Variants in DYNC2H1 observed in about 807,000 individuals in gnomAD.
The protein encoded by DYNC2H1 is cytoplasmic dynein 2 heavy chain 1.
DYNC2H1 carries 410 observed loss-of-function variants against 570.0 expected under a neutral mutation model. The ratio of observed to expected loss-of-function variants is 0.72; its 90% CI spans 0.66 to 0.78. DYNC2H1 has a LOEUF of 0.78. Ranked by LOEUF, DYNC2H1 falls within the 30% of genes least tolerant of loss-of-function variation. The probability of loss-of-function intolerance (pLI) is 0.00; values close to 1 mark genes in which losing one functional copy is unlikely to be tolerated. For synonymous variants in DYNC2H1, 1,688 were observed against 1,677.6 expected (o/e 1.01, Z -0.15); for missense variants, 4,865 against 5,046.4 (o/e 0.96, Z 1.09).
intron 75 of DYNC2H1, among the ~76,000 whole-genome samples, chr11:103,295,452 A>C (rs1004648131): frequency 6.6e-6 from 1 of 151,934 alleles, no homozygotes; most frequent in African/African-American, 2.4e-5. Flanking sequence ...TTCTCTGGAG[A>C]CTCTCCCAGC....
chr11:103,288,505 G>C (rs1011979355), intron 75 of DYNC2H1, among the ~76,000 whole-genome samples: 1 of 151,282 alleles, frequency 6.6e-6, no homozygotes, highest in Admixed American at 6.6e-5. Context: ...CTTGCCTGGG[G>C]ATAAGTCTGC....
Position 103,156,616 on chromosome 11 carries a change from G to C in DYNC2H1, c.3973G>C (p.Val1325Leu). 1.9e-6 allele frequency: 3 copies of C among 1,613,644 alleles called. No homozygotes were observed. Among genetic ancestry groups the C allele is most frequent in the Non-Finnish European group, 2.5e-6 (3 of 1,179,710 alleles). The change falls in exon 26 of 89, where the codon GTA becomes CTA. Residue 1325 changes from valine (V) to leucine (L), a missense_variant. Around this residue, in one of 5 missense-constraint regions of DYNC2H1, gnomAD observed 1,936 missense variants for 1,962.1 expected, o/e 0.99. Transcript: ENST00000375735. ...SPYYKGFEDK[V>L]SIWERKLAEL... ...TTATTATAAAGGATTTGAAGATAAAGTATCAATTTGGGAAAGAAAACTTGC... is the reference window on the plus strand; with the variant it reads ...TTATTATAAAGGATTTGAAGATAAACTATCAATTTGGGAAAGAAAACTTGC...
chr11:103,283,520 T>A (rs1347145252), intron 73 of DYNC2H1, among the ~76,000 whole-genome samples: 2 of 152,176 alleles, frequency 1.3e-5, no homozygotes, highest in Non-Finnish European at 2.9e-5. Flanking sequence ...TCACAACTGT[T>A]GTATCATTAT....
chr11:103,154,977 A>G (rs1860746992), intron 24 of DYNC2H1, among the ~76,000 whole-genome samples, 168 bp downstream of exon 24: 1 of 152,142 alleles, frequency 6.6e-6, no homozygotes, highest in Non-Finnish European at 1.5e-5. Context: ...TGATATTTCT[A>G]CTACCAATGA....
rs4564301 is a variant in DYNC2H1 at position 103,308,091 on chromosome 11, G to A, written c.11493+260G>A. On this transcript the variant is annotated intron_variant, in intron 78 of 88. Coordinates refer to ENST00000375735, the MANE Select transcript of DYNC2H1 (RefSeq NM_001377.3). Reference sequence around the variant, plus strand: ...TGCTATCGTAACAATTTTTAAGTGTGTAGTGCAATATGCACCTTGTTGTGC... The same window carrying A: ...TGCTATCGTAACAATTTTTAAGTGTATAGTGCAATATGCACCTTGTTGTGC... 0.17 allele frequency among the ~76,000 whole-genome samples: 26,302 copies of A among 152,110 alleles called. 2,465 individuals are homozygous for A. The highest frequency in any genetic ancestry group is 0.26 in the Admixed American group (3,972 of 15,266).
chr11:103,344,762 A>C (rs533188163), intron 82 of DYNC2H1, among the ~76,000 whole-genome samples: 71 of 152,222 alleles, frequency 4.7e-4, no homozygotes, highest in Admixed American at 6.5e-4. Flanking sequence ...ATCATTTCAA[A>C]ATATAACACT....
rs144569209 is a variant in DYNC2H1, at chr11:103,419,143, C to T, written c.12367-16800C>T. On this transcript the variant is annotated intron_variant, in intron 84 of 88. Transcript: ENST00000375735. ...GGCTGGAGTCTGCCTGAGGCAGGAA[C>T]AAGTTTCTTGGGGTAGGGGTGGCGG... Among the ~76,000 whole-genome samples the T allele has an allele frequency of 6.6e-3, 1,011 of 152,276 alleles. 13 individuals carry two copies. The highest frequency in any genetic ancestry group is 0.023 in the African/African-American group (968 of 41,566).
chr11:103,308,975 C>G (rs1457021191), intron 78 of DYNC2H1, among the ~76,000 whole-genome samples: 1 of 151,882 alleles, frequency 6.6e-6, no homozygotes, highest in Non-Finnish European at 1.5e-5. Context: ...TTGTTCCCAA[C>G]CTCCCTGCCT....
rs983067154 is a variant in DYNC2H1 at position 103,205,368 on chromosome 11, A to G, written c.8454+404A>G. ...AATTGTGAACTCATAACACTATCTTAACTGGAAGCCTCTTATTTTACCTCA... is the reference window on the plus strand; with the variant it reads ...AATTGTGAACTCATAACACTATCTTGACTGGAAGCCTCTTATTTTACCTCA... On this transcript the variant is annotated intron_variant, in intron 52 of 88. Coordinates refer to ENST00000375735, the MANE Select transcript of DYNC2H1 (RefSeq NM_001377.3). The surrounding 1 kb of genome is among the most constrained non-coding windows in gnomAD (Gnocchi z 4.5). Among the ~76,000 whole-genome samples, 1 of 152,204 alleles carries G rather than the reference A, an allele frequency of 6.6e-6. No individual in the cohort carries two copies. Among genetic ancestry groups the G allele is most frequent in the Non-Finnish European group, 1.5e-5 (1 of 68,022 alleles).
At position 103,215,699 on chromosome 11, in the gene DYNC2H1, G is replaced by A. The variant is rs367974486; in HGVS notation, c.8695-22G>A. 9.0e-5 allele frequency: 138 copies of A among 1,539,882 alleles called. No individual in the cohort carries two copies. In the Middle Eastern group the frequency reaches 1.2e-3, roughly 13 times the overall value. ...AAAATTCCTTTTTTAAAATATTGCCGATCAATATTTTATTGATGTAGGCTG... is the reference window on the plus strand; with the variant it reads ...AAAATTCCTTTTTTAAAATATTGCCAATCAATATTTTATTGATGTAGGCTG... On this transcript the variant is annotated intron_variant, in intron 54 of 88. Transcript: ENST00000375735.
intron 83 of DYNC2H1, among the ~76,000 whole-genome samples, chr11:103,360,757 G>A (rs931178080): frequency 5.9e-5 from 9 of 152,162 alleles, no homozygotes; most frequent in African/African-American, 1.2e-4. Flanking sequence ...ACCTTGTGGA[G>A]TTTACAGTTA....
Position 103,253,307 on chromosome 11 carries a change from AGG to A in DYNC2H1, c.10066_10067del (p.Gly3356Ter). The A allele has an allele frequency of 6.2e-7, 1 of 1,613,156 alleles. No homozygotes were observed. Among genetic ancestry groups the A allele is most frequent in the Non-Finnish European group, 8.5e-7 (1 of 1,179,366 alleles). On this transcript the variant is annotated frameshift_variant, in exon 66 of 89. Transcript: ENST00000375735. LOFTEE classifies it high-confidence loss of function. ...AQGPRYVVQI[G>X]DKIIDYNEEF... The stretch of plus-strand genomic sequence containing the variant: ...TAGGACCACGTTATGTGGTACAAAT[AGG>A]TGACAAAATTATTGACTACAATGAA...
chr11:103,331,615 T>A (rs1938800044), intron 82 of DYNC2H1, among the ~76,000 whole-genome samples: 1 of 152,152 alleles, frequency 6.6e-6, no homozygotes, highest in South Asian at 2.1e-4. Context: ...GACAAAATGT[T>A]CAGCTTTCAA....
chr11:103,112,861 A>C (rs1049513361), intron 1 of DYNC2H1, among the ~76,000 whole-genome samples: 33 of 152,246 alleles, frequency 2.2e-4, no homozygotes, highest in African/African-American at 8.0e-4. Context: ...TGAACTCATT[A>C]CTATGAACTG....
intron 77 of DYNC2H1, among the ~76,000 whole-genome samples, chr11:103,307,419 A>T (rs1167703421): frequency 6.6e-6 from 1 of 152,132 alleles, no homozygotes; most frequent in East Asian, 1.9e-4. Flanking sequence ...TCTTTGTGAT[A>T]GGTGCTATTA....
rs1366387213 is a variant in DYNC2H1, at chr11:103,134,303, T to A, written c.2107-18T>A. 1 of 1,609,860 alleles carries A rather than the reference T, an allele frequency of 6.2e-7. No homozygotes were observed. Among genetic ancestry groups the A allele is most frequent in the African/African-American group, 1.3e-5 (1 of 74,842 alleles). On this transcript the variant is annotated intron_variant, in intron 14 of 88. Coordinates refer to ENST00000375735, the MANE Select transcript of DYNC2H1 (RefSeq NM_001377.3). ...TTCCAGCAATACTTTGAGACTAGCA[T>A]GCTCTAATTTTTCATAGGTGGTTGT...
At chr11:103,398,795 C>G (rs1206718799) in intron 83 of DYNC2H1, among the ~76,000 whole-genome samples, 1 of 151,498 alleles carries the variant, frequency 6.6e-6, no homozygotes, top group African/African-American at 2.4e-5. Context: ...TTCAGTTTTT[C>G]TTAAGAAACC....
At chr11:103,304,524 T>G in intron 76 of DYNC2H1, 71 bp from the exon 77 acceptor site, 1 of 1,495,326 alleles carries the variant, frequency 6.7e-7, no homozygotes, top group South Asian at 1.4e-5. Flanking sequence ...TATTATTGAA[T>G]CTCATACTGT....
chr11:103,189,847 G>A lies in DYNC2H1; in HGVS notation c.7437+31G>A, dbSNP rs1862225447. ...TATGCATCTAAATTGTAGCTTTCAT[G>A]TCTATTAGTATCATTTCTAAAGGTC... On this transcript the variant is annotated intron_variant, in intron 45 of 88. Coordinates refer to ENST00000375735, the MANE Select transcript of DYNC2H1 (RefSeq NM_001377.3). This position sits in a 1 kb window ranked among gnomAD's most constrained non-coding sequence, Gnocchi z 4.3. 1 of 1,560,432 alleles carries A rather than the reference G, an allele frequency of 6.4e-7. No homozygotes were observed. The highest frequency in any genetic ancestry group is 2.3e-5 in the East Asian group (1 of 44,378).
Sources: allele counts gnomAD v4.1 joint callset (sites outside exome capture counted in the v4.1 genomes callset), GRCh38; gene constraint gnomAD v4.1.1; regional missense constraint gnomAD v4.1.1; non-coding constraint Gnocchi (gnomAD v3.1); transcripts MANE v1.5; gene names NCBI Gene and HGNC (gene_info 2026-07-23, HGNC 2026-07-21).